Variants in HUNK observed in about 807,000 individuals in gnomAD.
HUNK encodes the protein hormonally up-regulated neu tumor-associated kinase.
Under a neutral mutation model 61.0 loss-of-function variants are expected in HUNK, and 21 were observed. The observed-to-expected ratio is 0.34, with a 90% CI of 0.24 to 0.50. The LOEUF (loss-of-function observed/expected upper bound fraction) is 0.50. Among genes scored for constraint, HUNK ranks in the 20% least tolerant of loss-of-function variants. HUNK has a pLI of 0.98. For missense variants in HUNK, 772 were observed against 945.7 expected (o/e 0.82, Z 2.41); for synonymous variants, 371 against 386.1 (o/e 0.96, Z 0.46).
intron 4 of HUNK, among the ~76,000 whole-genome samples, chr21:31,950,903 A>G (rs966477529): frequency 1.3e-5 from 2 of 152,122 alleles, no homozygotes; most frequent in Non-Finnish European, 2.9e-5. Context: ...TTTGGACCTG[A>G]TGGATGGCAG....
intron 4 of HUNK, among the ~76,000 whole-genome samples, chr21:31,955,819 C>T (rs1222419641): frequency 5.9e-5 from 9 of 152,164 alleles, no homozygotes; most frequent in East Asian, 5.8e-4. Flanking sequence ...GCACTTACTG[C>T]GGAAAAAAAT....
At chr21:31,990,918 A>AAGTTGACAT (rs2053168239) in intron 9 of HUNK, among the ~76,000 whole-genome samples, 1 of 152,190 alleles carries the variant, frequency 6.6e-6, no homozygotes, top group Admixed American at 6.5e-5. Flanking sequence ...TGGCCTAGGC[A>AAGTTGACAT]AGTTGACATA....
intron 5 of HUNK, among the ~76,000 whole-genome samples, chr21:31,961,019 T>C (rs8130926): frequency 0.2 from 30,908 of 152,182 alleles, 4,480 homozygotes; most frequent in African/African-American, 0.4. Context: ...GTAATTTGTG[T>C]GACAGCCACC....
intron 1 of HUNK, among the ~76,000 whole-genome samples, chr21:31,878,128 G>A (rs1042931800): frequency 2.0e-5 from 3 of 151,698 alleles, no homozygotes; most frequent in African/African-American, 4.8e-5. Flanking sequence ...GTGTGGTGGT[G>A]CATACCTGTA....
intron 1 of HUNK, among the ~76,000 whole-genome samples, chr21:31,886,834 C>T (rs1005041857): frequency 1.3e-5 from 2 of 152,140 alleles, no homozygotes; most frequent in Non-Finnish European, 2.9e-5. Context: ...TTAGTAGAAA[C>T]GGAGTCAGGC....
chr21:32,000,528 G>A lies in HUNK; in HGVS notation c.*1344G>A. Reference sequence around the variant, plus strand: ...TTGGTGAGAAGAATCAGAAAAAGAAGACCCATCAGCACAGGTTGGATAGGG... The same window carrying A: ...TTGGTGAGAAGAATCAGAAAAAGAAAACCCATCAGCACAGGTTGGATAGGG... On this transcript the variant is annotated 3_prime_UTR_variant, in exon 11 of 11. Transcript: ENST00000270112. The A allele has an allele frequency of 2.5e-6, 1 of 399,244 alleles. No homozygotes were observed. Among genetic ancestry groups the A allele is most frequent in the East Asian group, 3.6e-5 (1 of 28,088 alleles). 24.7% of individuals were successfully genotyped at this position (399,244 alleles called of 1,614,324 possible).
chr21:31,901,132 ACAT>A (rs2052464210), intron 1 of HUNK, among the ~76,000 whole-genome samples: 1 of 152,202 alleles, frequency 6.6e-6, no homozygotes, highest in Non-Finnish European at 1.5e-5. Flanking sequence ...TTAATTAATT[ACAT>A]CTGCAATGAC....
intron 1 of HUNK, among the ~76,000 whole-genome samples, chr21:31,878,258 CAA>C (rs59741283): frequency 0.03 from 2,685 of 89,892 alleles, 26 homozygotes; most frequent in Admixed American, 0.091. Context: ...GACTCCATCT[CAA>C]AAAAAAAAAA....
intron 1 of HUNK, among the ~76,000 whole-genome samples, chr21:31,892,162 A>AAAAT (rs1479271300): frequency 5.3e-5 from 6 of 114,052 alleles, no homozygotes; most frequent in African/African-American, 2.1e-4. Flanking sequence ...AAAAAAAAAA[A>AAAAT]ATATATATAT....
At chr21:31,943,237 G>GT (rs1156683979) in intron 3 of HUNK, among the ~76,000 whole-genome samples, 2 of 151,720 alleles carry the variant, frequency 1.3e-5, no homozygotes, top group African/African-American at 4.8e-5. Context: ...TAATCAGGAG[G>GT]TTTTTTTTCC....
intron 1 of HUNK, among the ~76,000 whole-genome samples, chr21:31,914,140 G>T (rs536024516): frequency 6.6e-6 from 1 of 152,124 alleles, no homozygotes; most frequent in East Asian, 1.9e-4. Flanking sequence ...GGGCGCAGTG[G>T]CTCATGCCTG....
At chr21:31,932,804 G>A (rs115537312) in intron 2 of HUNK, among the ~76,000 whole-genome samples, 1 of 151,814 alleles carries the variant, frequency 6.6e-6, no homozygotes, top group Non-Finnish European at 1.5e-5. Flanking sequence ...CGTGGCTTCT[G>A]GTTGGTATAT....
rs779031599 is a variant in HUNK at position 31,974,563 on chromosome 21, T to C, written c.1019T>C (p.Leu340Pro). Residue 340 changes from leucine (L) to proline (P), a missense_variant, in exon 7 of 11, where the codon CTG becomes CCG. Leu to Pro is a moderately conservative substitution (Grantham distance 98, BLOSUM62 -3). Transcript: ENST00000270112. Reference sequence around the variant, plus strand: ...CTCTCTGCACCTCGCAGGATTTCTCTGGAAGATCTGAGCCCGAGCGTCGTG... The same window carrying C: ...CTCTCTGCACCTCGCAGGATTTCTCCGGAAGATCTGAGCCCGAGCGTCGTG... ...CNVTYPNRIS[L>P]EDLSPSVVLH... 1 of 1,613,140 alleles carries C rather than the reference T, an allele frequency of 6.2e-7. No homozygotes were observed. Among genetic ancestry groups the C allele is most frequent in the South Asian group, 1.1e-5 (1 of 90,958 alleles).
chr21:31,948,533 G>C (rs971338507), intron 4 of HUNK, among the ~76,000 whole-genome samples: 1 of 152,154 alleles, frequency 6.6e-6, no homozygotes, highest in African/African-American at 2.4e-5. Flanking sequence ...TGTAGCTGAG[G>C]GGGCAGGGAC....
At chr21:31,941,927 A>G (rs955487282) in intron 3 of HUNK, among the ~76,000 whole-genome samples, 6 of 152,224 alleles carry the variant, frequency 3.9e-5, no homozygotes, top group Non-Finnish European at 8.8e-5. Flanking sequence ...AATAAAAGTT[A>G]GAATAGGCCA....
chr21:31,974,685 T>C lies in HUNK; in HGVS notation c.1141T>C (p.Leu381=). 6.2e-7 allele frequency: 1 copy of C among 1,613,928 alleles called. No homozygotes were observed. The highest frequency in any genetic ancestry group is 1.7e-5 in the Admixed American group (1 of 59,992). ...ACHILAIYFL[L]NKKLERYLSG... is the part of the protein sequence containing the mutation. ...CCACATCCTGGCCATCTACTTCCTC[T>C]TAAACAAGAAACTGGAGCGCTATTT... Residue 381 remains leucine, a synonymous_variant, in exon 7 of 11, where the codon TTA becomes CTA. Coordinates refer to ENST00000270112, the MANE Select transcript of HUNK (RefSeq NM_014586.2).
intron 4 of HUNK, among the ~76,000 whole-genome samples, chr21:31,947,865 G>A (rs2052820404): frequency 6.6e-6 from 1 of 152,168 alleles, no homozygotes; most frequent in African/African-American, 2.4e-5. Flanking sequence ...AGAAAGACTC[G>A]TTTGCGTGAA....
At chr21:31,893,230 T>C (rs1601363038) in intron 1 of HUNK, among the ~76,000 whole-genome samples, 1 of 150,402 alleles carries the variant, frequency 6.6e-6, no homozygotes, top group South Asian at 2.1e-4. Flanking sequence ...GCTTTGGGGG[T>C]GGTGGCAATC....
In HUNK at chr21:31,907,327, A is replaced by C. The variant is rs193034111; in HGVS notation, c.262-17141A>C. On this transcript the variant is annotated intron_variant, in intron 1 of 10. Coordinates refer to ENST00000270112, the MANE Select transcript of HUNK (RefSeq NM_014586.2). ...AATATTGGTCACATGCTGAGATGAT[A>C]ATATTTTAGATAAATGGGGTTATAG... Among the ~76,000 whole-genome samples, 195 of 152,350 alleles carry C rather than the reference A, an allele frequency of 1.3e-3. 1 individual carries two copies. The highest frequency in any genetic ancestry group is 4.5e-3 in the African/African-American group (186 of 41,588).
Sources: allele counts gnomAD v4.1 joint callset (sites outside exome capture counted in the v4.1 genomes callset), GRCh38; gene constraint gnomAD v4.1.1; transcripts MANE v1.5; gene names NCBI Gene and HGNC (gene_info 2026-07-23, HGNC 2026-07-21).